Variants in DNAH17 observed in about 807,000 individuals in gnomAD.
DNAH17 encodes the protein dynein axonemal heavy chain 17, also known as axonemal beta dynein heavy chain 17.
A neutral mutation model predicts 485.6 loss-of-function variants in DNAH17; 376 were observed. That is an observed-to-expected ratio of 0.77 (90% confidence interval 0.71 to 0.84). DNAH17 has a LOEUF of 0.84. Ranked by LOEUF, DNAH17 falls within the 40% of genes least tolerant of loss-of-function variation. The pLI, the probability that DNAH17 is intolerant of heterozygous loss-of-function variation, is 0.00. For missense variants in DNAH17, 6,370 were observed against 5,839.3 expected, an observed-to-expected ratio of 1.09 and a Z score of -2.96; for synonymous variants, 3,031 against 2,405.9, an observed-to-expected ratio of 1.26 and a Z score of -7.60.
intron 19 of DNAH17, 144 bp from the exon 20 acceptor site, chr17:78,532,880 T>TG: frequency 9.7e-7 from 1 of 1,032,230 alleles, no homozygotes; most frequent in Non-Finnish European, 1.4e-6. Flanking sequence ...TTTTCCAGCC[T>TG]GGGCCGATCA....
rs1038964753 is a variant in DNAH17 at position 78,572,789 on chromosome 17, C to T, written c.451G>A (p.Val151Met). 1 of 1,613,880 alleles carries T rather than the reference C, an allele frequency of 6.2e-7. No homozygotes were observed. Among genetic ancestry groups the T allele is most frequent in the African/African-American group, 1.3e-5 (1 of 75,034 alleles). ...TTGCCTTTGATCTTGCCACTCATCA[C>T]AAACATTTCATTCTTCAGCCTGTGG... ...QVHRLKNEMF[V>M]MSGKIKGKTL... The change falls in exon 3 of 81, where the codon GTG (valine) becomes ATG (methionine). Residue 151 changes from valine to methionine, a missense_variant. Coordinates refer to ENST00000389840, the MANE Select transcript of DNAH17 (RefSeq NM_173628.4).
chr17:78,537,487 A>T lies in DNAH17; in HGVS notation c.2677-6T>A, dbSNP rs2091409724. ...AACAGGGGAGCGATACTCTCCTGAA[A>T]GAGGGGTGGGGTTGGCAGTGGTCAA... is the stretch of plus-strand genomic sequence containing the variant. On this transcript the variant is annotated splice_polypyrimidine_tract_variant and splice_region_variant and intron_variant, in intron 18 of 80. Coordinates refer to ENST00000389840, the MANE Select transcript of DNAH17 (RefSeq NM_173628.4). 5.6e-6 allele frequency: 9 copies of T among 1,612,736 alleles called. No individual in the cohort carries two copies. Among genetic ancestry groups the T allele is most frequent in the Non-Finnish European group, 7.6e-6 (9 of 1,179,674 alleles).
At chr17:78,425,785 A>G (rs1233793044) in intron 79 of DNAH17, among the ~76,000 whole-genome samples, 2 of 88,076 alleles carry the variant, frequency 2.3e-5, no homozygotes, top group African/African-American at 1.3e-4. Flanking sequence ...TTTTTTTTTG[A>G]GATGAAGTAT....
intron 30 of DNAH17, 138 bp downstream of exon 30, chr17:78,506,581 TG>T: frequency 7.8e-7 from 1 of 1,281,370 alleles, no homozygotes; most frequent in Non-Finnish European, 1.1e-6. Context: ...GGGCAGCTTC[TG>T]GTGCAGAGGG....
chr17:78,433,180 T>A (rs932463322), intron 75 of DNAH17, among the ~76,000 whole-genome samples: 22 of 152,314 alleles, frequency 1.4e-4, no homozygotes, highest in African/African-American at 5.3e-4. Context: ...GGCGAGGGGC[T>A]CCTGGGCCTG....
intron 41 of DNAH17, 90 bp downstream of exon 41, chr17:78,493,946 G>A: frequency 6.8e-7 from 1 of 1,479,890 alleles, no homozygotes; most frequent in Non-Finnish European, 9.0e-7. Flanking sequence ...GGTCTCCGGG[G>A]TGGCGGGGAG....
intron 55 of DNAH17, among the ~76,000 whole-genome samples, chr17:78,468,039 AG>A (rs1356383536): frequency 1.4e-5 from 2 of 143,060 alleles, no homozygotes; most frequent in Non-Finnish European, 3.0e-5. Context: ...AAAAAGAGAG[AG>A]AGAGAGAGTA....
Position 78,567,005 on chromosome 17 carries a change from T to C in DNAH17, c.1446A>G (p.Gly482=). ...ADCKYDPLDP[G]DSNFDRDYAD... ...ACCCTGCCCGAGGACCTACCGAGTC[T>C]CCAGGGTCCAAGGGATCATATTTGC... is the stretch of plus-strand genomic sequence containing the variant. The change falls in exon 10 of 81, where the codon GGA becomes GGG. Residue 482 remains glycine, a synonymous_variant. Coordinates refer to ENST00000389840, the MANE Select transcript of DNAH17 (RefSeq NM_173628.4). 1 of 1,611,012 alleles carries C rather than the reference T, an allele frequency of 6.2e-7. No homozygotes were observed. The highest frequency in any genetic ancestry group is 8.5e-7 in the Non-Finnish European group (1 of 1,178,450).
Position 78,485,026 on chromosome 17 carries a change from C to T in DNAH17, c.7491G>A (p.Leu2497=), listed in dbSNP as rs1300622217. The T allele has an allele frequency of 1.2e-6, 2 of 1,609,400 alleles. 1 individual carries two copies. Among genetic ancestry groups the T allele is most frequent in the South Asian group, 2.2e-5 (2 of 90,174 alleles). ...YTTSAMLQGV[L]EKPLEKKSGR... is the part of the protein sequence containing the mutation. ...CCGATTTCTTCTCCAGCGGCTTCTC[C>T]AGCACCCCTAGAGAGGGCAGAGGGT... Residue 2497 remains leucine (L), a synonymous_variant, in exon 48 of 81, where the codon CTG becomes CTA. Transcript: ENST00000389840.
At chr17:78,489,172 G>A (rs771732455) in intron 44 of DNAH17, among the ~76,000 whole-genome samples, 6 of 152,138 alleles carry the variant, frequency 3.9e-5, no homozygotes, top group Non-Finnish European at 8.8e-5. Flanking sequence ...TCAAACCCTG[G>A]CCACACTGTG....
chr17:78,526,574 A>G (rs2091080557), intron 24 of DNAH17, 77 bp downstream of exon 24: 2 of 1,311,654 alleles, frequency 1.5e-6, no homozygotes, highest in Admixed American at 2.4e-5. Context: ...TCTGGACTTG[A>G]AAGGATAACT....
intron 77 of DNAH17, 140 bp downstream of exon 77, chr17:78,428,385 T>C (rs2086553676): frequency 3.7e-6 from 4 of 1,073,054 alleles, no homozygotes; most frequent in South Asian, 1.4e-5. Flanking sequence ...CCCCAGTGTT[T>C]CTGATACCCA....
chr17:78,430,630 G>A (rs1300640259), intron 75 of DNAH17, among the ~76,000 whole-genome samples: 1 of 152,162 alleles, frequency 6.6e-6, no homozygotes, highest in African/African-American at 2.4e-5. Flanking sequence ...GCCCAGGCTG[G>A]AGTGCAATGG....
Position 78,561,748 on chromosome 17 carries a change from A to ACC in DNAH17, c.1800_1801dup (p.Val601GlyfsTer4). On this transcript the variant is annotated frameshift_variant, in exon 12 of 81. Transcript: ENST00000389840. LOFTEE classifies it high-confidence loss of function. Reference sequence around the variant, plus strand: ...GACGTGCTTCAGGTGTTTCATGGACACCTCTAGCCTCTCCTGCAGCTCCAG... The same window carrying ACC: ...GACGTGCTTCAGGTGTTTCATGGACACCCCTCTAGCCTCTCCTGCAGCTCCAG... The ACC allele has an allele frequency of 6.2e-7, 1 of 1,609,236 alleles. No individual in the cohort carries two copies.
chr17:78,493,854 G>C (rs532890749), intron 41 of DNAH17, among the ~76,000 whole-genome samples, 182 bp downstream of exon 41: 1 of 152,330 alleles, frequency 6.6e-6, no homozygotes, highest in South Asian at 2.1e-4. Flanking sequence ...GGCTGTGGCA[G>C]CTCCTCCCCT....
chr17:78,433,780 G>A lies in DNAH17; in HGVS notation c.12225+249C>T, dbSNP rs148547341. 5.8e-3 allele frequency among the ~76,000 whole-genome samples: 876 copies of A among 152,256 alleles called. 4 individuals carry two copies. Among genetic ancestry groups the A allele is most frequent in the African/African-American group, 0.02 (831 of 41,548 alleles). Reference sequence around the variant, plus strand: ...TGTCCAAAAGCCGGCTCCTGCAGGAGGTGGGGGCAAAGGACTGGACCATCT... The same window carrying A: ...TGTCCAAAAGCCGGCTCCTGCAGGAAGTGGGGGCAAAGGACTGGACCATCT... On this transcript the variant is annotated intron_variant, in intron 75 of 80. Coordinates refer to ENST00000389840, the MANE Select transcript of DNAH17 (RefSeq NM_173628.4).
chr17:78,432,656 G>T (rs188918006), intron 75 of DNAH17, among the ~76,000 whole-genome samples: 1 of 152,222 alleles, frequency 6.6e-6, no homozygotes, highest in Admixed American at 6.5e-5. Flanking sequence ...CCTCCTGGGG[G>T]CCTTCTCAGG....
chr17:78,520,541 A>G (rs1420483393), intron 25 of DNAH17, among the ~76,000 whole-genome samples: 1 of 152,264 alleles, frequency 6.6e-6, no homozygotes, highest in Non-Finnish European at 1.5e-5. Flanking sequence ...AAAAACAAAC[A>G]CATAAAAATT....
intron 64 of DNAH17, 32 bp downstream of exon 64, chr17:78,454,438 G>A: frequency 1.3e-6 from 2 of 1,571,370 alleles, no homozygotes; most frequent in Non-Finnish European, 1.7e-6. Flanking sequence ...AGCAGAGCCG[G>A]GCTTCGGCCC....
Sources: allele counts gnomAD v4.1 joint callset (sites outside exome capture counted in the v4.1 genomes callset), GRCh38; gene constraint gnomAD v4.1.1; transcripts MANE v1.5; gene names NCBI Gene and HGNC (gene_info 2026-07-23, HGNC 2026-07-21).